The following ABCG2 variants were observed in gnomAD, a reference collection of about 807,000 sequenced individuals.
ABCG2 encodes the protein broad substrate specificity ATP-binding cassette transporter ABCG2.
Under a neutral mutation model 73.5 loss-of-function variants are expected in ABCG2, and 80 were observed. That is an observed-to-expected ratio of 1.09 (90% confidence interval 0.91 to 1.31). ABCG2 has a LOEUF of 1.31. ABCG2 is among the 50% of genes most tolerant of loss of function. The probability of loss-of-function intolerance (pLI) is 0.00; values close to 1 mark genes in which losing one functional copy is unlikely to be tolerated. For missense variants in ABCG2, 796 were observed against 786.2 expected, an observed-to-expected ratio of 1.01 and a Z score of -0.15; for synonymous variants, 269 against 282.4, an observed-to-expected ratio of 0.95 and a Z score of 0.48.
At position 88,127,023 on chromosome 4, in the gene ABCG2, T is replaced by TAAGC. The variant is rs1303496212; in HGVS notation, c.531+4034_531+4037dup. ...CAGATGACATGATTGTATATTTAGA[T>TAAGC]AAGCCCCTTGTCTCAGCCCAAAATC... On this transcript the variant is annotated intron_variant, in intron 5 of 15. Transcript: ENST00000237612. Among the ~76,000 whole-genome samples, 14 of 152,258 alleles carry TAAGC rather than the reference T, an allele frequency of 9.2e-5. No homozygotes were observed. In the South Asian group the frequency reaches 2.5e-3, roughly 27 times the overall value.
chr4:88,131,147 C>T lies in ABCG2; in HGVS notation c.445G>A (p.Ala149Thr), dbSNP rs201006821. ...TTTTCATGATTCGTCATAGTTGTTG[C>T]AAGCCGAAGAGCTGCTGAGAACTGT... ...NLQFSAALRL[A>T]TTMTNHEKNE... is the part of the protein sequence containing the mutation. Residue 149 changes from alanine to threonine, a missense_variant, in exon 5 of 16, where the codon GCA (alanine) becomes ACA (threonine). Ala to Thr is a moderately conservative substitution (Grantham distance 58). Coordinates refer to ENST00000237612, the MANE Select transcript of ABCG2 (RefSeq NM_004827.3). 1 of 1,613,882 alleles carries T rather than the reference C, an allele frequency of 6.2e-7. No individual in the cohort carries two copies. Among genetic ancestry groups the T allele is most frequent in the African/African-American group, 1.3e-5 (1 of 74,836 alleles).
intron 1 of ABCG2, among the ~76,000 whole-genome samples, chr4:88,192,881 T>C (rs1728754915): frequency 6.6e-6 from 1 of 151,518 alleles, no homozygotes; most frequent in African/African-American, 2.4e-5. Context: ...CCAGCTAATT[T>C]TTTGTATTTT....
chr4:88,144,203 C>G (rs573523507), intron 1 of ABCG2, among the ~76,000 whole-genome samples: 1 of 152,176 alleles, frequency 6.6e-6, no homozygotes. Flanking sequence ...TCCTAGACCC[C>G]CTGCAAAGCC....
intron 1 of ABCG2, among the ~76,000 whole-genome samples, chr4:88,212,997 G>A (rs952828017): frequency 6.6e-6 from 1 of 152,054 alleles, no homozygotes; most frequent in African/African-American, 2.4e-5. Context: ...GAACTCTGGG[G>A]CCCAAATGAT....
chr4:88,156,021 A>G (rs1280778968), intron 1 of ABCG2, among the ~76,000 whole-genome samples: 1 of 152,212 alleles, frequency 6.6e-6, no homozygotes, highest in Non-Finnish European at 1.5e-5. Flanking sequence ...AGGTTGGGAC[A>G]TGGAAAATAC....
intron 9 of ABCG2, among the ~76,000 whole-genome samples, chr4:88,112,286 A>C (rs111455664): frequency 5.3e-5 from 8 of 152,320 alleles, no homozygotes; most frequent in African/African-American, 1.9e-4. Flanking sequence ...TGTCTAAGGA[A>C]GGTAAATGAC....
At chr4:88,211,684 T>C (rs1349313584) in intron 1 of ABCG2, among the ~76,000 whole-genome samples, 1 of 152,202 alleles carries the variant, frequency 6.6e-6, no homozygotes, top group East Asian at 1.9e-4. Flanking sequence ...TCTGAAGTGC[T>C]GGGATTACAG....
intron 1 of ABCG2, among the ~76,000 whole-genome samples, chr4:88,170,405 T>C (rs1376572976): frequency 6.6e-6 from 1 of 152,236 alleles, no homozygotes; most frequent in Non-Finnish European, 1.5e-5. Flanking sequence ...CAGGCACTTC[T>C]GGGATTCTCT....
intron 3 of ABCG2, among the ~76,000 whole-genome samples, chr4:88,132,224 T>C (rs1276029268): frequency 6.6e-6 from 1 of 152,218 alleles, no homozygotes; most frequent in Non-Finnish European, 1.5e-5. Flanking sequence ...TTGGAGGTAC[T>C]AACACAGGCA....
chr4:88,139,625 G>A (rs2622617), intron 2 of ABCG2, among the ~76,000 whole-genome samples, 168 bp downstream of exon 2: 147,510 of 152,316 alleles, frequency 0.97, 71,614 homozygotes, highest in East Asian at 1. Flanking sequence ...ATGTGGCCCA[G>A]TTATTTCACT....
At chr4:88,217,701 T>C (rs535761154) in intron 1 of ABCG2, among the ~76,000 whole-genome samples, 227 of 151,160 alleles carry the variant, frequency 1.5e-3, no homozygotes, top group African/African-American at 5.4e-3. Context: ...GGACTAAACA[T>C]GGTGGCTCAT....
At chr4:88,152,765 A>G (rs1578235400) in intron 1 of ABCG2, among the ~76,000 whole-genome samples, 3 of 152,116 alleles carry the variant, frequency 2.0e-5, no homozygotes, top group African/African-American at 7.2e-5. Flanking sequence ...AAATAAAACA[A>G]AATAGTGGTA....
upstream of ABCG2, among the ~76,000 whole-genome samples, chr4:88,160,127 G>T (rs1727224014): frequency 6.6e-6 from 1 of 151,744 alleles, no homozygotes; most frequent in South Asian, 2.1e-4. Context: ...TGTAATCCCA[G>T]CTACTCGCGA....
At chr4:88,208,783 A>G (rs971303123) in intron 1 of ABCG2, among the ~76,000 whole-genome samples, 1 of 152,250 alleles carries the variant, frequency 6.6e-6, no homozygotes, top group Non-Finnish European at 1.5e-5. Context: ...GAATCCATAA[A>G]TATGGCCAAC....
intron 1 of ABCG2, among the ~76,000 whole-genome samples, chr4:88,214,416 A>C (rs1233268178): frequency 6.6e-6 from 1 of 152,090 alleles, no homozygotes; most frequent in Admixed American, 6.6e-5. Flanking sequence ...TTCTCTCTCA[A>C]ATCCACTCCA....
intron 1 of ABCG2, among the ~76,000 whole-genome samples, chr4:88,164,873 G>C (rs1247753902): frequency 6.6e-6 from 1 of 152,122 alleles, no homozygotes; most frequent in Non-Finnish European, 1.5e-5. Context: ...CACCTCCTGG[G>C]TTCAAGCAAT....
At chr4:88,127,415 A>C (rs1724506840) in intron 5 of ABCG2, among the ~76,000 whole-genome samples, 3 of 152,238 alleles carry the variant, frequency 2.0e-5, no homozygotes, top group Admixed American at 2.0e-4. Context: ...ATTAGAAAAA[A>C]AACTACTTTA....
intron 5 of ABCG2, among the ~76,000 whole-genome samples, chr4:88,127,773 A>C (rs1363196273): frequency 6.6e-6 from 1 of 152,096 alleles, no homozygotes; most frequent in Non-Finnish European, 1.5e-5. Context: ...AAGATGGATT[A>C]AAGACTTAAA....
In ABCG2 at chr4:88,201,403, A is replaced by AT. The variant is rs1352492028; in HGVS notation, c.-20+29590dup. Among the ~76,000 whole-genome samples, 11 of 152,336 alleles carry AT rather than the reference A, an allele frequency of 7.2e-5. No homozygotes were observed. The South Asian group carries it at 2.3e-3, about 32-fold the overall frequency. ...TTGATAACCTAGATGAAATGGACCA[A>AT]TTCCTTGAAAGATGCAATCTGCCAA... On this transcript the variant is annotated intron_variant, in intron 1 of 15. Coordinates refer to the ABCG2 transcript ENST00000515655.
Sources: gnomAD v4.1 joint callset for allele counts (sites outside exome capture counted in the v4.1 genomes callset) on GRCh38, gnomAD v4.1.1 for gene constraint, MANE v1.5 for transcripts, NCBI Gene and HGNC (gene_info 2026-07-23, HGNC 2026-07-21) for gene names.